LINGO2: variants seen among roughly 807,000 people sequenced by gnomAD.
The protein encoded by LINGO2 is leucine rich repeat and Ig domain containing 2.
LINGO2 carries 14 observed loss-of-function variants against 30.6 expected under a neutral mutation model. The observed-to-expected ratio is 0.46, with a 90% CI of 0.30 to 0.72. The LOEUF is 0.72. LINGO2 is among the 30% of genes least tolerant of loss of function. The pLI, the probability that LINGO2 is intolerant of heterozygous loss-of-function variation, is 0.07. For synonymous variants in LINGO2, 317 were observed against 288.5 expected, an observed-to-expected ratio of 1.10 and a Z score of -1.00; for missense variants, 729 against 751.7, an observed-to-expected ratio of 0.97 and a Z score of 0.35.
At chr9:28,883,628 G>GTGTA in the LINGO2 span, among the ~76,000 whole-genome samples, 135 of 64,128 alleles carry the variant, frequency 2.1e-3, no homozygotes, top group African/African-American at 7.3e-3. Flanking sequence ...ATGTGTGTGT[G>GTGTA]TATATATATA....
chr9:28,850,106 A>G, the LINGO2 span, among the ~76,000 whole-genome samples: 13 of 151,992 alleles, frequency 8.6e-5, 1 homozygote, highest in African/African-American at 3.1e-4. Flanking sequence ...TGGATACTTA[A>G]TTAAATGGAA....
At chr9:28,063,435 A>ATT (rs113818728) in intron 4 of LINGO2, among the ~76,000 whole-genome samples, 3,796 of 148,662 alleles carry the variant, frequency 0.026, 77 homozygotes, top group Non-Finnish European at 0.04. Context: ...TATTATCCAC[A>ATT]TTTTTTTTTT....
At chr9:28,405,036 A>G (rs983574906) in intron 2 of LINGO2, among the ~76,000 whole-genome samples, 1 of 152,110 alleles carries the variant, frequency 6.6e-6, no homozygotes, top group Non-Finnish European at 1.5e-5. Flanking sequence ...ATTTAAAAAG[A>G]TCTAACTCAA....
intron 4 of LINGO2, among the ~76,000 whole-genome samples, chr9:28,170,038 C>T (rs546747805): frequency 2.1e-4 from 32 of 152,258 alleles, no homozygotes; most frequent in African/African-American, 7.7e-4. Context: ...CTGAGCCCGA[C>T]AACAATGGAA....
At chr9:29,055,599 T>C in the LINGO2 span, among the ~76,000 whole-genome samples, 3 of 152,164 alleles carry the variant, frequency 2.0e-5, no homozygotes, top group Non-Finnish European at 4.4e-5. Context: ...TGGGGGAATA[T>C]GTGGTGTTTG....
intron 1 of LINGO2, among the ~76,000 whole-genome samples, chr9:28,606,477 C>T (rs1563859284): frequency 6.6e-6 from 1 of 151,924 alleles, no homozygotes; most frequent in Non-Finnish European, 1.5e-5. Flanking sequence ...TTCCTGTGAC[C>T]TATCAATACA....
chr9:28,857,363 C>T, the LINGO2 span, among the ~76,000 whole-genome samples: 2 of 151,948 alleles, frequency 1.3e-5, no homozygotes, highest in East Asian at 1.9e-4. Flanking sequence ...ATAATTTAGC[C>T]CTTGTTTTAT....
chr9:29,130,249 A>G, the LINGO2 span, among the ~76,000 whole-genome samples: 1 of 152,186 alleles, frequency 6.6e-6, no homozygotes, highest in Non-Finnish European at 1.5e-5. Flanking sequence ...AGCTTACCCT[A>G]TCAGAACAAA....
chr9:28,126,479 A>T (rs904191349), intron 4 of LINGO2, among the ~76,000 whole-genome samples: 1 of 152,206 alleles, frequency 6.6e-6, no homozygotes, highest in African/African-American at 2.4e-5. Context: ...AAACGAACTG[A>T]TGTTGCTGTC....
intron 3 of LINGO2, among the ~76,000 whole-genome samples, chr9:28,307,165 A>G (rs1048365265): frequency 2.6e-5 from 4 of 152,336 alleles, no homozygotes; most frequent in African/African-American, 7.2e-5. Context: ...ATGAACATTG[A>G]TGCAAAAATC....
intron 1 of LINGO2, among the ~76,000 whole-genome samples, chr9:28,625,622 T>G (rs7873507): frequency 2.6e-5 from 4 of 151,966 alleles, no homozygotes; most frequent in African/African-American, 9.7e-5. Context: ...AAAAAAGTAA[T>G]ATTTGTAAAG....
chr9:28,264,064 TA>T (rs35902909), intron 4 of LINGO2, among the ~76,000 whole-genome samples: 60,923 of 151,012 alleles, frequency 0.4, 14,141 homozygotes, highest in Non-Finnish European at 0.54. Flanking sequence ...TGCTGTGAAG[TA>T]AAAAAAAAGA....
chr9:28,916,635 T>C, the LINGO2 span, among the ~76,000 whole-genome samples: 1 of 152,190 alleles, frequency 6.6e-6, no homozygotes, highest in Non-Finnish European at 1.5e-5. Context: ...GCTGAGCCAA[T>C]GTACCATCCA....
chr9:28,104,946 G>A (rs1826538964), intron 4 of LINGO2, among the ~76,000 whole-genome samples: 1 of 151,994 alleles, frequency 6.6e-6, no homozygotes, highest in Admixed American at 6.6e-5. Context: ...GAGTTTCACT[G>A]CTGGGCTCAC....
At chr9:28,417,911 T>A (rs2134858333) in intron 2 of LINGO2, among the ~76,000 whole-genome samples, 1 of 152,284 alleles carries the variant, frequency 6.6e-6, no homozygotes. Flanking sequence ...ATGAGTGAAC[T>A]AATCAATGAA....
At chr9:28,593,098 T>C (rs1383760144) in intron 1 of LINGO2, among the ~76,000 whole-genome samples, 4 of 152,132 alleles carry the variant, frequency 2.6e-5, no homozygotes, top group African/African-American at 9.7e-5. Context: ...CTGCTTCTCC[T>C]ATTAGACTTC....
At chr9:28,668,404 C>T (rs1278419171) in intron 1 of LINGO2, among the ~76,000 whole-genome samples, 2 of 151,864 alleles carry the variant, frequency 1.3e-5, no homozygotes, top group Non-Finnish European at 2.9e-5. Flanking sequence ...CCTTAAACTT[C>T]GGTTAAAATA....
At chr9:29,037,655 A>C in the LINGO2 span, among the ~76,000 whole-genome samples, 1 of 151,978 alleles carries the variant, frequency 6.6e-6, no homozygotes, top group African/African-American at 2.4e-5. Context: ...AAACTGTCTA[A>C]TGTACTGTTT....
intron 5 of LINGO2, among the ~76,000 whole-genome samples, chr9:27,980,238 T>C (rs529989583): frequency 1.3e-5 from 2 of 151,958 alleles, no homozygotes; most frequent in Non-Finnish European, 2.9e-5. Context: ...TATAAGGCAC[T>C]CAAACGTGCA....
Sources: allele counts gnomAD v4.1 joint callset (sites outside exome capture counted in the v4.1 genomes callset), GRCh38; gene constraint gnomAD v4.1.1; transcripts MANE v1.5; gene names NCBI Gene and HGNC (gene_info 2026-07-23, HGNC 2026-07-21).